The following GFRA2 variants were observed in gnomAD, a reference collection of about 807,000 sequenced individuals.
The protein encoded by GFRA2 is GDNF family receptor alpha-2.
A neutral mutation model predicts 48.3 loss-of-function variants in GFRA2; 17 were observed. The observed-to-expected ratio is 0.35, with a 90% CI of 0.24 to 0.53. The LOEUF is 0.53. GFRA2 is among the 20% of genes least tolerant of loss of function. The probability of loss-of-function intolerance (pLI) is 0.93; values close to 1 mark genes in which losing one functional copy is unlikely to be tolerated. For synonymous variants in GFRA2, 305 were observed against 257.2 expected, an observed-to-expected ratio of 1.19 and a Z score of -1.78; for missense variants, 660 against 637.3, an observed-to-expected ratio of 1.04 and a Z score of -0.38.
At chr8:21,758,719 A>G (rs546946600) in intron 3 of GFRA2, among the ~76,000 whole-genome samples, 2 of 152,122 alleles carry the variant, frequency 1.3e-5, no homozygotes, top group African/African-American at 4.8e-5. Context: ...TGCCTCTCTC[A>G]CTTACCCACC....
chr8:21,731,914 C>T (rs1482874217), intron 4 of GFRA2, among the ~76,000 whole-genome samples: 1 of 152,230 alleles, frequency 6.6e-6, no homozygotes, highest in Non-Finnish European at 1.5e-5. Flanking sequence ...ATGGCGTACA[C>T]CATCTGTGCA....
At position 21,691,090 on chromosome 8, in the gene GFRA2, T is replaced by C. The variant is rs942693385; in HGVS notation, c.*2188A>G. 5.9e-5 allele frequency: 9 copies of C among 152,070 alleles called. No homozygotes were observed. Among genetic ancestry groups the C allele is most frequent in the African/African-American group, 1.4e-4 (6 of 41,394 alleles). 9.4% of individuals were successfully genotyped at this position (152,070 alleles called of 1,614,324 possible). A position where few individuals can be genotyped will look rare whatever the true frequency, so the allele number is the denominator to read the frequency against. Reference sequence around the variant, plus strand: ...CATATACAACCAGAAGCAAAAGCCATTGAGGGGACCTGCGATTGGGAGATG... The same window carrying C: ...CATATACAACCAGAAGCAAAAGCCACTGAGGGGACCTGCGATTGGGAGATG... On this transcript the variant is annotated 3_prime_UTR_variant, in exon 9 of 9. Transcript: ENST00000524240.
At chr8:21,727,784 A>G (rs573179757) in intron 4 of GFRA2, among the ~76,000 whole-genome samples, 1 of 152,334 alleles carries the variant, frequency 6.6e-6, no homozygotes, top group South Asian at 2.1e-4. Flanking sequence ...GTCTCTCCGC[A>G]ATGACAGCCC....
At chr8:21,796,332 C>A (rs1807676165) in intron 2 of GFRA2, among the ~76,000 whole-genome samples, 1 of 152,260 alleles carries the variant, frequency 6.6e-6, no homozygotes, top group African/African-American at 2.4e-5. Context: ...GAGGTCAAGG[C>A]AGAATCAAGG....
intron 7 of GFRA2, among the ~76,000 whole-genome samples, chr8:21,701,449 T>A (rs1488120249): frequency 2.0e-5 from 3 of 152,196 alleles, no homozygotes; most frequent in Non-Finnish European, 4.4e-5. Flanking sequence ...TCAGAGGCCC[T>A]TCCTCTTCCA....
At chr8:21,766,160 C>T (rs1806140169) in intron 3 of GFRA2, among the ~76,000 whole-genome samples, 1 of 152,138 alleles carries the variant, frequency 6.6e-6, no homozygotes, top group South Asian at 2.1e-4. Context: ...GGACCCCACC[C>T]AGGCCTTTCG....
chr8:21,744,586 C>CACACAT (rs545980880), intron 4 of GFRA2, among the ~76,000 whole-genome samples: 2 of 144,580 alleles, frequency 1.4e-5, no homozygotes, highest in South Asian at 4.5e-4. Context: ...CACACACACA[C>CACACAT]AATCTGAGCC....
In GFRA2 at chr8:21,714,246, C is replaced by CTTTTTTTTTTTTTTTTTTTTT. The variant is rs10674628; in HGVS notation, c.795-8226_795-8206dup. 2.0e-4 allele frequency among the ~76,000 whole-genome samples: 16 copies of CTTTTTTTTTTTTTTTTTTTTT among 78,400 alleles called. 5 individuals carry two copies. Among genetic ancestry groups the CTTTTTTTTTTTTTTTTTTTTT allele is most frequent in the Admixed American group, 7.8e-4 (4 of 5,096 alleles). 51.4% of individuals were successfully genotyped at this position (78,400 alleles called of 152,430 possible). Reference sequence around the variant, plus strand: ...GATCAATACATACTGGTCTGAAGTTCTTTTTTTTTTTTTTTTTTTTTTTGA... The same window carrying CTTTTTTTTTTTTTTTTTTTTT: ...GATCAATACATACTGGTCTGAAGTTCTTTTTTTTTTTTTTTTTTTTTTTTTTTTTTTTTTTTTTTTTTTTGA... On this transcript the variant is annotated intron_variant, in intron 4 of 8. Transcript: ENST00000524240.
intron 2 of GFRA2, among the ~76,000 whole-genome samples, chr8:21,778,833 G>A (rs1228418719): frequency 4.6e-5 from 7 of 152,230 alleles, no homozygotes; most frequent in African/African-American, 1.7e-4. Context: ...GCTGCAGTGA[G>A]CTATGATCTT....
chr8:21,809,534 A>G (rs915388433), intron 1 of GFRA2, among the ~76,000 whole-genome samples: 2 of 151,984 alleles, frequency 1.3e-5, no homozygotes, highest in Non-Finnish European at 2.9e-5. Context: ...TCACCGTGTT[A>G]GCCAGGATGG....
chr8:21,810,515 C>T (rs545019554), intron 1 of GFRA2, among the ~76,000 whole-genome samples: 4 of 152,250 alleles, frequency 2.6e-5, no homozygotes, highest in Admixed American at 2.6e-4. Flanking sequence ...AAGAACTGGG[C>T]CACAGGGAAG....
intron 2 of GFRA2, among the ~76,000 whole-genome samples, chr8:21,778,748 G>T (rs949108908): frequency 7.9e-5 from 12 of 152,196 alleles, no homozygotes; most frequent in African/African-American, 2.9e-4. Context: ...TTAGCCAAGC[G>T]TAGTGGCACG....
intron 3 of GFRA2, among the ~76,000 whole-genome samples, chr8:21,767,236 TCACA>T (rs1430580161): frequency 1.4e-5 from 2 of 143,122 alleles, no homozygotes; most frequent in Admixed American, 6.9e-5. Flanking sequence ...ACACACCACC[TCACA>T]CACATCACAT....
intron 4 of GFRA2, among the ~76,000 whole-genome samples, chr8:21,742,469 C>T (rs1804794931): frequency 6.6e-6 from 1 of 152,338 alleles, no homozygotes; most frequent in East Asian, 1.9e-4. Flanking sequence ...GATCTCCAGC[C>T]TCTGGAACTA....
intron 4 of GFRA2, among the ~76,000 whole-genome samples, chr8:21,734,122 T>C (rs1012134043): frequency 2.0e-5 from 3 of 152,162 alleles, no homozygotes; most frequent in Admixed American, 2.0e-4. Context: ...CAGCGTGCAG[T>C]GGACCGGCCT....
chr8:21,702,326 A>G (rs567297590), intron 7 of GFRA2, among the ~76,000 whole-genome samples: 5 of 152,322 alleles, frequency 3.3e-5, no homozygotes, highest in African/African-American at 9.6e-5. Flanking sequence ...GGAAGCAGAA[A>G]GAGAAGGGGA....
rs142888613 is a variant in GFRA2 at position 21,693,607 on chromosome 8, T to C, written c.1273-207A>G. ...TGGCCCAGGCAGGAGCAGAAGGGAA[T>C]GCTCTGTCCCTTCTGGTCACAAGCC... is the stretch of plus-strand genomic sequence containing the variant. On this transcript the variant is annotated intron_variant, in intron 8 of 8. Transcript: ENST00000524240. 3.0e-3 allele frequency among the ~76,000 whole-genome samples: 457 copies of C among 152,050 alleles called. 9 individuals carry two copies. The East Asian group carries it at 0.064, about 21-fold the overall frequency.
chr8:21,745,506 G>A (rs1249049217), intron 4 of GFRA2, among the ~76,000 whole-genome samples: 1 of 152,220 alleles, frequency 6.6e-6, no homozygotes, highest in East Asian at 1.9e-4. Flanking sequence ...GCAGGTTGGG[G>A]GTTCTGCAAT....
rs1029983514 is a variant in GFRA2, at chr8:21,705,117, T to A, written c.913A>T (p.Met305Leu). The change falls in exon 6 of 9, where the codon ATG (methionine) becomes TTG (leucine). Residue 305 changes from methionine (M) to leucine (L), a missense_variant. Met to Leu is a conservative substitution (Grantham distance 15, BLOSUM62 2). Coordinates refer to ENST00000524240, the MANE Select transcript of GFRA2 (RefSeq NM_001495.5). Reference protein sequence around the residue: ...GSYAGMIGFDMTPNYVDSSPT... With the variant: ...GSYAGMIGFDLTPNYVDSSPT... ...CTGGAGTCCACATAGTTAGGTGTCATGTCAAACCCTGGGCAGGAAGAAAGG... is the reference window on the plus strand; with the variant it reads ...CTGGAGTCCACATAGTTAGGTGTCAAGTCAAACCCTGGGCAGGAAGAAAGG... The A allele has an allele frequency of 6.2e-7, 1 of 1,609,560 alleles. No homozygotes were observed. Among genetic ancestry groups the A allele is most frequent in the Non-Finnish European group, 8.5e-7 (1 of 1,178,442 alleles).
Sources: allele counts gnomAD v4.1 joint callset (sites outside exome capture counted in the v4.1 genomes callset), GRCh38; gene constraint gnomAD v4.1.1; transcripts MANE v1.5; gene names NCBI Gene and HGNC (gene_info 2026-07-23, HGNC 2026-07-21).